The following ASPRV1 variants were observed in gnomAD, a reference collection of about 807,000 sequenced individuals.
The protein encoded by ASPRV1 is retroviral-like aspartic protease 1.
In ASPRV1, 7 loss-of-function variants were observed where a neutral mutation model predicts 11.0. The ratio of observed to expected loss-of-function variants is 0.64; its 90% CI spans 0.36 to 1.20. The LOEUF (loss-of-function observed/expected upper bound fraction) is 1.20, where lower values mean the gene tolerates loss of function less well. Among genes scored for constraint, ASPRV1 ranks in the 50% most tolerant of loss-of-function variants. The pLI is 0.02. For missense variants in ASPRV1, 299 were observed against 320.0 expected (o/e 0.93, Z 0.50); for synonymous variants, 136 against 138.4 (o/e 0.98, Z 0.12).
downstream of ASPRV1, among the ~76,000 whole-genome samples, chr2:69,957,177 A>C (rs562810161): frequency 1.3e-3 from 204 of 152,260 alleles, no homozygotes; most frequent in Middle Eastern, 6.8e-3. Context: ...TCATGGTTAT[A>C]TAAGAGAATG....
the ASPRV1 span, among the ~76,000 whole-genome samples, chr2:70,023,775 T>C: frequency 6.6e-6 from 1 of 152,188 alleles, no homozygotes; most frequent in Admixed American, 6.5e-5. Flanking sequence ...TTTTCTATTA[T>C]TTTGGATTGT....
chr2:70,018,805 A>C, the ASPRV1 span, among the ~76,000 whole-genome samples: 14 of 152,352 alleles, frequency 9.2e-5, no homozygotes, highest in South Asian at 2.9e-3. Context: ...ATAAGACCTG[A>C]AACTGTAACA....
At chr2:70,086,402 G>A in the ASPRV1 span, 1 of 152,244 alleles carries the variant, frequency 6.6e-6, no homozygotes, top group East Asian at 1.9e-4. Flanking sequence ...TTAGCCCAAG[G>A]AGGAAGGGGA....
chr2:70,081,759 T>G, the ASPRV1 span, among the ~76,000 whole-genome samples: 9 of 151,908 alleles, frequency 5.9e-5, no homozygotes, highest in African/African-American at 2.2e-4. Context: ...AATGTTTTTA[T>G]TTTTTTGTAG....
At chr2:70,080,044 G>C in the ASPRV1 span, among the ~76,000 whole-genome samples, 1 of 152,104 alleles carries the variant, frequency 6.6e-6, no homozygotes, top group Non-Finnish European at 1.5e-5. Flanking sequence ...TTATTTAAAT[G>C]TATTTTTTTT....
At chr2:70,049,747 G>A in the ASPRV1 span, 1 of 152,212 alleles carries the variant, frequency 6.6e-6, no homozygotes, top group East Asian at 1.9e-4. Flanking sequence ...TTACAATTCA[G>A]ACTGTGAGTT....
chr2:69,992,578 T>C, the ASPRV1 span, among the ~76,000 whole-genome samples: 1 of 152,230 alleles, frequency 6.6e-6, no homozygotes, highest in African/African-American at 2.4e-5. Flanking sequence ...TGGCAGGTTT[T>C]CCTCTACCCC....
At position 69,960,825 on chromosome 2, in the gene ASPRV1, C is replaced by T; in HGVS notation, c.612G>A (p.Val204=). ...CCAGGATAGCATTGTGGTCCTGGAG[C>T]ACATCAGTGCCAATGATGGCTTCCT... ...SAEEAIIGTD[V]LQDHNAILDF... Residue 204 remains valine (V), a synonymous_variant, in exon 1 of 1, where the codon GTG becomes GTA. Coordinates refer to ENST00000320256, the MANE Select transcript of ASPRV1 (RefSeq NM_152792.4). The T allele has an allele frequency of 2.5e-6, 4 of 1,614,130 alleles. No homozygotes were observed. Among genetic ancestry groups the T allele is most frequent in the Non-Finnish European group, 3.4e-6 (4 of 1,180,014 alleles).
chr2:70,072,270 A>C, the ASPRV1 span, among the ~76,000 whole-genome samples: 1 of 151,660 alleles, frequency 6.6e-6, no homozygotes, highest in East Asian at 2.0e-4. Context: ...AAATTTTTAG[A>C]ATTAGCCTGG....
the ASPRV1 span, chr2:69,938,444 TG>T: frequency 1.4e-6 from 1 of 697,976 alleles, no homozygotes. Context: ...CTTAGGATTG[TG>T]GGTTTCTGAT....
the ASPRV1 span, among the ~76,000 whole-genome samples, chr2:69,933,200 CAAA>C: frequency 0.014 from 1,107 of 79,928 alleles, 2 homozygotes; most frequent in Middle Eastern, 0.029. Context: ...AACTCTGTCT[CAAA>C]AAAAAAAAAA....
the ASPRV1 span, among the ~76,000 whole-genome samples, chr2:69,972,336 C>G: frequency 3.4e-5 from 5 of 148,616 alleles, no homozygotes; most frequent in South Asian, 1.1e-3. Flanking sequence ...TATGGGATTA[C>G]AGATGTGAGC....
chr2:69,952,562 G>GAAAAA, the ASPRV1 span, among the ~76,000 whole-genome samples: 1 of 145,652 alleles, frequency 6.9e-6, no homozygotes, highest in East Asian at 2.0e-4. Flanking sequence ...AGGAAGAAAA[G>GAAAAA]AAAAGAAAAA....
chr2:69,964,585 T>A (rs553176818), upstream of ASPRV1: 1 of 266,308 alleles, frequency 3.8e-6, no homozygotes, highest in South Asian at 3.6e-5. Context: ...CAGGTGCCAC[T>A]ACCTCCTCCC....
At chr2:69,983,129 G>C in the ASPRV1 span, among the ~76,000 whole-genome samples, 1 of 152,140 alleles carries the variant, frequency 6.6e-6, no homozygotes, top group Non-Finnish European at 1.5e-5. Flanking sequence ...ATGTTGGCCA[G>C]GTCGGTCTTG....
chr2:70,083,205 G>C, the ASPRV1 span, among the ~76,000 whole-genome samples: 1 of 152,194 alleles, frequency 6.6e-6, no homozygotes, highest in African/African-American at 2.4e-5. Flanking sequence ...CATATCAAAA[G>C]CATCAGAAGC....
At chr2:70,041,710 G>A in the ASPRV1 span, among the ~76,000 whole-genome samples, 1 of 152,178 alleles carries the variant, frequency 6.6e-6, no homozygotes, top group African/African-American at 2.4e-5. Context: ...ATTCTGAGAG[G>A]TCCAATCTAG....
the ASPRV1 span, among the ~76,000 whole-genome samples, chr2:70,000,223 C>G: frequency 2.0e-5 from 3 of 151,700 alleles, no homozygotes; most frequent in Non-Finnish European, 4.4e-5. Flanking sequence ...TGGCTCACAC[C>G]TGTAATCCCA....
At chr2:70,062,414 T>TA in the ASPRV1 span, among the ~76,000 whole-genome samples, 3 of 152,154 alleles carry the variant, frequency 2.0e-5, no homozygotes, top group Non-Finnish European at 2.9e-5. Context: ...CCTACTCAAT[T>TA]AGAGTATCTA....
Sources: gnomAD v4.1 joint callset for allele counts (sites outside exome capture counted in the v4.1 genomes callset) on GRCh38, gnomAD v4.1.1 for gene constraint, MANE v1.5 for transcripts, NCBI Gene and HGNC (gene_info 2026-07-23, HGNC 2026-07-21) for gene names.